Variants in GPD2 observed in about 807,000 individuals in gnomAD.
GPD2 encodes glycerol-3-phosphate dehydrogenase 2, also known as glycerol-3-phosphate dehydrogenase, mitochondrial.
GPD2 carries 54 observed loss-of-function variants against 82.4 expected under a neutral mutation model. The ratio of observed to expected loss-of-function variants is 0.66; its 90% CI spans 0.53 to 0.82. The LOEUF is 0.82. GPD2 is among the 40% of genes least tolerant of loss of function. The pLI, the probability that GPD2 is intolerant of heterozygous loss-of-function variation, is 0.00. For synonymous variants in GPD2, 288 were observed against 306.1 expected (o/e 0.94, Z 0.62); for missense variants, 748 against 896.2 (o/e 0.83, Z 2.11).
At chr2:156,410,026 A>G in the GPD2 span, among the ~76,000 whole-genome samples, 6 of 152,336 alleles carry the variant, frequency 3.9e-5, no homozygotes, top group East Asian at 9.6e-4. Context: ...AGCCTAGGCA[A>G]CAGAGCAATA....
chr2:156,491,028 T>C (rs1684156512), intron 2 of GPD2, among the ~76,000 whole-genome samples: 1 of 152,108 alleles, frequency 6.6e-6, no homozygotes, highest in South Asian at 2.1e-4. Context: ...TACAGTTATG[T>C]AATGAGCACT....
At chr2:156,559,526 A>G (rs1200803443) in intron 9 of GPD2, among the ~76,000 whole-genome samples, 2 of 152,166 alleles carry the variant, frequency 1.3e-5, no homozygotes, top group African/African-American at 4.8e-5. Flanking sequence ...TTTTCCCCAA[A>G]GGATTTTTTT....
intron 6 of GPD2, among the ~76,000 whole-genome samples, chr2:156,523,622 CTCTT>C (rs1685494231): frequency 6.6e-6 from 1 of 152,010 alleles, no homozygotes; most frequent in African/African-American, 2.4e-5. Flanking sequence ...GTTAAGAACT[CTCTT>C]TCAAACACAG....
At chr2:156,555,487 G>T (rs974146287) in intron 8 of GPD2, among the ~76,000 whole-genome samples, 1 of 152,066 alleles carries the variant, frequency 6.6e-6, no homozygotes, top group South Asian at 2.1e-4. Context: ...AAACATGTCA[G>T]CATATAATTC....
intron 1 of GPD2, among the ~76,000 whole-genome samples, chr2:156,440,979 G>A (rs1449499280): frequency 6.6e-6 from 1 of 152,184 alleles, no homozygotes; most frequent in Non-Finnish European, 1.5e-5. Context: ...TGTAATTAGA[G>A]GGTTGGAATT....
In GPD2 at chr2:156,568,815, T is replaced by C. The variant is rs756602475; in HGVS notation, c.1166-10T>C. 1 of 1,611,318 alleles carries C rather than the reference T, an allele frequency of 6.2e-7. No homozygotes were observed. The highest frequency in any genetic ancestry group is 8.5e-7 in the Non-Finnish European group (1 of 1,177,676). On this transcript the variant is annotated splice_polypyrimidine_tract_variant and intron_variant, in intron 9 of 16. Transcript: ENST00000438166. ...CAATGTTCATAACCCTTGGCATTGA[T>C]TCCTACCAGTGAGAAGAGGGGATGT...
At chr2:156,506,742 G>A (rs998706309) in intron 3 of GPD2, among the ~76,000 whole-genome samples, 1 of 152,014 alleles carries the variant, frequency 6.6e-6, no homozygotes, top group African/African-American at 2.4e-5. Context: ...CCTGCCTCCA[G>A]TCCTACCTCT....
chr2:156,563,576 T>G (rs2105354883), intron 9 of GPD2, among the ~76,000 whole-genome samples: 1 of 152,292 alleles, frequency 6.6e-6, no homozygotes, highest in African/African-American at 2.4e-5. Context: ...TTGTTTGAAT[T>G]TATGAAATTA....
chr2:156,476,685 T>A (rs559282200), intron 2 of GPD2, among the ~76,000 whole-genome samples: 251 of 152,344 alleles, frequency 1.6e-3, no homozygotes, highest in Non-Finnish European at 3.2e-3. Context: ...AAAATTTAAA[T>A]GAAGGAAAGC....
intron 2 of GPD2, among the ~76,000 whole-genome samples, chr2:156,482,098 G>A (rs1162553332): frequency 6.6e-6 from 1 of 152,310 alleles, no homozygotes; most frequent in African/African-American, 2.4e-5. Flanking sequence ...ATTCCCAAGG[G>A]ATATGAATAT....
chr2:156,418,237 C>T, the GPD2 span, among the ~76,000 whole-genome samples: 29,339 of 150,696 alleles, frequency 0.19, 3,256 homozygotes, highest in Non-Finnish European at 0.24. Flanking sequence ...AAAAAAAACC[C>T]ACAAAAATTA....
At chr2:156,455,453 T>G (rs1403761295) in intron 1 of GPD2, among the ~76,000 whole-genome samples, 1 of 152,200 alleles carries the variant, frequency 6.6e-6, no homozygotes, top group Non-Finnish European at 1.5e-5. Context: ...AAGTCCAAAT[T>G]CCTTTGACTC....
chr2:156,528,608 G>T (rs1246417215), intron 6 of GPD2, among the ~76,000 whole-genome samples: 3 of 107,358 alleles, frequency 2.8e-5, no homozygotes, highest in East Asian at 2.8e-4. Flanking sequence ...CCCACAACAG[G>T]CCCCAGAGTG....
upstream of GPD2, among the ~76,000 whole-genome samples, chr2:156,432,708 T>C (rs1688331229): frequency 6.6e-6 from 1 of 152,246 alleles, no homozygotes; most frequent in Non-Finnish European, 1.5e-5. Flanking sequence ...GAGAAAATTA[T>C]CTACTATACA....
chr2:156,496,247 A>C, intron 3 of GPD2, 32 bp downstream of exon 3: 1 of 1,486,850 alleles, frequency 6.7e-7, no homozygotes, highest in Non-Finnish European at 9.3e-7. Flanking sequence ...TTTAATTTTA[A>C]GTTCTGGGGT....
In GPD2 at chr2:156,583,933, C is replaced by A. The variant is rs368408762; in HGVS notation, c.*1015C>A. 2.0e-5 allele frequency: 3 copies of A among 152,238 alleles called. No individual in the cohort carries two copies. In the South Asian group the frequency reaches 6.2e-4, roughly 32 times the overall value. 9.4% of individuals were successfully genotyped at this position (152,238 alleles called of 1,614,324 possible). A position where few individuals can be genotyped will look rare whatever the true frequency, so the allele number is the denominator to read the frequency against. ...TTACCATCTTTTTTGGGGGTACTTG[C>A]AACCATAGTAAAGGAAGATGGAATA... is the stretch of plus-strand genomic sequence containing the variant. On this transcript the variant is annotated 3_prime_UTR_variant, in exon 17 of 17. Transcript: ENST00000438166.
the GPD2 span, among the ~76,000 whole-genome samples, chr2:156,402,505 A>G: frequency 1.3e-5 from 2 of 152,206 alleles, no homozygotes; most frequent in Non-Finnish European, 2.9e-5. Flanking sequence ...TATTCTTTAA[A>G]ATGAAAGAAA....
intron 6 of GPD2, among the ~76,000 whole-genome samples, chr2:156,516,541 G>A (rs1685202614): frequency 6.6e-6 from 1 of 152,182 alleles, no homozygotes; most frequent in African/African-American, 2.4e-5. Flanking sequence ...CGGGGCTCAA[G>A]CAATCCTCCT....
the GPD2 span, among the ~76,000 whole-genome samples, chr2:156,423,722 C>T: frequency 1.3e-5 from 2 of 152,150 alleles, no homozygotes; most frequent in Admixed American, 6.6e-5. Context: ...GAAAAAGAAT[C>T]TTAAAACAGT....
Sources: gnomAD v4.1 joint callset for allele counts (sites outside exome capture counted in the v4.1 genomes callset) on GRCh38, gnomAD v4.1.1 for gene constraint, MANE v1.5 for transcripts, NCBI Gene and HGNC (gene_info 2026-07-23, HGNC 2026-07-21) for gene names.